CDH2: variants seen among roughly 807,000 people sequenced by gnomAD.
The protein encoded by CDH2 is cadherin 2.
In CDH2, 17 loss-of-function variants were observed where a neutral mutation model predicts 92.0. The observed-to-expected ratio is 0.18, with a 90% CI of 0.13 to 0.28. The LOEUF is 0.28. Ranked by LOEUF, CDH2 falls within the 10% of genes least tolerant of loss-of-function variation. The probability of loss-of-function intolerance (pLI) is 1.00; values close to 1 mark genes in which losing one functional copy is unlikely to be tolerated. For missense variants in CDH2, 862 were observed against 1,133.1 expected, an observed-to-expected ratio of 0.76 and a Z score of 3.44; for synonymous variants, 419 against 415.9, an observed-to-expected ratio of 1.01 and a Z score of -0.09.
chr18:28,073,725 T>G (rs953227393), intron 2 of CDH2, among the ~76,000 whole-genome samples: 2 of 152,168 alleles, frequency 1.3e-5, no homozygotes, highest in East Asian at 1.9e-4. Context: ...ATCAAGCTAC[T>G]AGTGGGGGTG....
At chr18:28,046,227 C>T (rs193131749) in intron 2 of CDH2, among the ~76,000 whole-genome samples, 32 of 152,240 alleles carry the variant, frequency 2.1e-4, no homozygotes, top group Admixed American at 5.2e-4. Context: ...CTATTGTTAT[C>T]TAGTACTTTG....
At chr18:28,168,302 G>A (rs941612297) in intron 1 of CDH2, among the ~76,000 whole-genome samples, 2 of 152,010 alleles carry the variant, frequency 1.3e-5, no homozygotes, top group South Asian at 2.1e-4. Context: ...AATATTCACC[G>A]GAACTTGTCT....
chr18:28,161,558 T>A (rs1253226156), intron 1 of CDH2, among the ~76,000 whole-genome samples: 1 of 129,152 alleles, frequency 7.7e-6, no homozygotes, highest in African/African-American at 3.0e-5. Flanking sequence ...CCAGCCTGGG[T>A]GACAGAGTGA....
Position 28,120,648 on chromosome 18 carries a change from A to G in CDH2, c.172+27025T>C, listed in dbSNP as rs1259414861. Among the ~76,000 whole-genome samples, 17 of 152,236 alleles carry G rather than the reference A, an allele frequency of 1.1e-4. No homozygotes were observed. In the South Asian group the frequency reaches 2.3e-3, roughly 20 times the overall value. ...GAAGACAGATGAACAGTACTATAAA[A>G]CACACAGATATAAAAGGGAGGCATG... is the stretch of plus-strand genomic sequence containing the variant. On this transcript the variant is annotated intron_variant, in intron 2 of 15. Transcript: ENST00000269141.
intron 2 of CDH2, among the ~76,000 whole-genome samples, chr18:28,054,020 G>A (rs17494136): frequency 0.02 from 3,031 of 152,234 alleles, 40 homozygotes; most frequent in African/African-American, 0.023. Flanking sequence ...CCTGGGGTCA[G>A]GTACCAAGGG....
intron 1 of CDH2, among the ~76,000 whole-genome samples, chr18:28,152,750 G>T (rs2016144738): frequency 6.6e-6 from 1 of 152,174 alleles, no homozygotes; most frequent in African/African-American, 2.4e-5. Flanking sequence ...ATCTGACAGA[G>T]AATTCTCTGA....
At chr18:27,968,858 G>A (rs2143906201) in intron 14 of CDH2, among the ~76,000 whole-genome samples, 1 of 152,288 alleles carries the variant, frequency 6.6e-6, no homozygotes, top group Middle Eastern at 3.4e-3. Context: ...CTGGAAAAAA[G>A]CTGACTGCGG....
At chr18:28,116,361 A>G (rs1053134476) in intron 2 of CDH2, among the ~76,000 whole-genome samples, 1 of 152,204 alleles carries the variant, frequency 6.6e-6, no homozygotes, top group African/African-American at 2.4e-5. Flanking sequence ...AACGAAAATA[A>G]TAATGTGACA....
chr18:27,953,420 C>T (rs1046690356), intron 15 of CDH2, among the ~76,000 whole-genome samples: 4 of 152,144 alleles, frequency 2.6e-5, no homozygotes, highest in Admixed American at 6.5e-5. Context: ...CCTAGATACA[C>T]TAACATTAGT....
intron 2 of CDH2, chr18:28,036,660 T>C (rs1386265697): frequency 8.0e-6 from 6 of 749,820 alleles, no homozygotes; most frequent in South Asian, 4.9e-5. Flanking sequence ...GAAATGCCGA[T>C]GCAGCTTTTT....
At chr18:28,027,263 A>C (rs2013578429) in intron 2 of CDH2, among the ~76,000 whole-genome samples, 1 of 152,118 alleles carries the variant, frequency 6.6e-6, no homozygotes, top group South Asian at 2.1e-4. Flanking sequence ...TTAGGACAAA[A>C]GGTCTATAAA....
chr18:27,962,354 T>G (rs1598991092), intron 15 of CDH2, among the ~76,000 whole-genome samples: 1 of 152,350 alleles, frequency 6.6e-6, no homozygotes, highest in East Asian at 1.9e-4. Flanking sequence ...TAATGGATAG[T>G]TATAGAGACA....
In CDH2 at chr18:27,952,505, A is replaced by T. The variant is rs45476591; in HGVS notation, c.2515-146T>A. 680 of 660,214 alleles carry T rather than the reference A, an allele frequency of 1.0e-3. 2 individuals carry two copies. Among genetic ancestry groups the T allele is most frequent in the Middle Eastern group, 5.1e-3 (16 of 3,118 alleles). 40.9% of individuals were successfully genotyped at this position (660,214 alleles called of 1,614,324 possible). A position where few individuals can be genotyped will look rare whatever the true frequency, so the allele number is the denominator to read the frequency against. ...CATACCATATTTTCAACACATGGAA[A>T]AGGGAGATATAACCATTTGAAAGTT... On this transcript the variant is annotated intron_variant, in intron 15 of 15. Transcript: ENST00000269141.
At chr18:28,163,768 A>C (rs541867605) in intron 1 of CDH2, among the ~76,000 whole-genome samples, 1 of 152,384 alleles carries the variant, frequency 6.6e-6, no homozygotes, top group South Asian at 2.1e-4. Flanking sequence ...AATACATTAT[A>C]TATACACATG....
chr18:27,980,068 TAGG>T (rs1307800635), intron 14 of CDH2, among the ~76,000 whole-genome samples: 2 of 152,188 alleles, frequency 1.3e-5, no homozygotes, highest in Non-Finnish European at 2.9e-5. Context: ...AAGCCCTTTC[TAGG>T]AGAAGATCCA....
intron 2 of CDH2, among the ~76,000 whole-genome samples, chr18:28,019,948 GGTT>G (rs1280945095): frequency 6.6e-6 from 1 of 152,076 alleles, no homozygotes; most frequent in Non-Finnish European, 1.5e-5. Context: ...TTGATCCTGT[GGTT>G]TTGGAGCAAT....
intron 2 of CDH2, among the ~76,000 whole-genome samples, chr18:28,139,014 C>A (rs2015909643): frequency 6.6e-6 from 1 of 151,982 alleles, no homozygotes; most frequent in Admixed American, 6.6e-5. Context: ...CTGTTTACAT[C>A]ATTGAACACC....
rs997745155 is a variant in CDH2, at chr18:27,950,969, G to A, written c.*1184C>T. On this transcript the variant is annotated 3_prime_UTR_variant, in exon 16 of 16. Coordinates refer to ENST00000269141, the MANE Select transcript of CDH2 (RefSeq NM_001792.5). The stretch of plus-strand genomic sequence containing the variant: ...AAGAAAAAGTTCAAACCAGTCACCA[G>A]ATCCAAAATTAGCATTTTATTCAGA... 1.3e-5 allele frequency: 2 copies of A among 152,452 alleles called. No homozygotes were observed. Among genetic ancestry groups the A allele is most frequent in the Non-Finnish European group, 2.9e-5 (2 of 68,014 alleles). The allele number at this position is 152,452 out of a possible 1,614,324, so 9.4% of individuals were successfully genotyped here.
intron 1 of CDH2, among the ~76,000 whole-genome samples, chr18:28,157,399 A>G (rs1030335212): frequency 2.0e-5 from 3 of 152,218 alleles, no homozygotes; most frequent in East Asian, 1.9e-4. Context: ...AATGCTTTCC[A>G]TGCAATATAT....
Sources: allele counts gnomAD v4.1 joint callset (sites outside exome capture counted in the v4.1 genomes callset), GRCh38; gene constraint gnomAD v4.1.1; transcripts MANE v1.5; gene names NCBI Gene and HGNC (gene_info 2026-07-23, HGNC 2026-07-21).